Variants in ADGRV1 observed in about 807,000 individuals in gnomAD.
ADGRV1 encodes G-protein coupled receptor 98.
In ADGRV1, 359 loss-of-function variants were observed where a neutral mutation model predicts 596.2. That is an observed-to-expected ratio of 0.60 (90% CI 0.55 to 0.66). The LOEUF is 0.66. Among genes scored for constraint, ADGRV1 ranks in the 30% least tolerant of loss-of-function variants. The probability of loss-of-function intolerance (pLI) is 0.00; values close to 1 mark genes in which losing one functional copy is unlikely to be tolerated. For synonymous variants in ADGRV1, 2,681 were observed against 2,679.2 expected (o/e 1.00, Z -0.02); for missense variants, 7,274 against 7,575.6 (o/e 0.96, Z 1.48).
intron 32 of ADGRV1, 148 bp downstream of exon 32, chr5:90,692,934 A>G: frequency 1.7e-6 from 1 of 591,764 alleles, no homozygotes; most frequent in South Asian, 2.7e-5. Context: ...TGTTAACTGA[A>G]TTATGCTTAT....
At chr5:90,703,568 T>C (rs980192639) in intron 34 of ADGRV1, 97 bp from the exon 35 acceptor site, 1 of 796,690 alleles carries the variant, frequency 1.3e-6, no homozygotes, top group South Asian at 1.9e-5. Flanking sequence ...GGAAAGGTGC[T>C]GTAATAGTTG....
At chr5:91,045,544 T>C (rs920152517) in intron 85 of ADGRV1, among the ~76,000 whole-genome samples, 1 of 152,036 alleles carries the variant, frequency 6.6e-6, no homozygotes, top group African/African-American at 2.4e-5. Context: ...TACCTCAAGG[T>C]AATAAAAGCC....
chr5:91,113,756 T>C (rs1305865200), intron 87 of ADGRV1, among the ~76,000 whole-genome samples: 1 of 151,128 alleles, frequency 6.6e-6, no homozygotes, highest in Non-Finnish European at 1.5e-5. Flanking sequence ...CCATCTCTAC[T>C]AGAAATATAA....
At chr5:90,817,050 T>C (rs1762968319) in intron 75 of ADGRV1, among the ~76,000 whole-genome samples, 1 of 152,192 alleles carries the variant, frequency 6.6e-6, no homozygotes, top group Admixed American at 6.5e-5. Context: ...TGTTCCTATT[T>C]CTCCACACCC....
chr5:90,957,985 A>G (rs1456847878), intron 83 of ADGRV1, among the ~76,000 whole-genome samples: 1 of 152,108 alleles, frequency 6.6e-6, no homozygotes, highest in Non-Finnish European at 1.5e-5. Context: ...AAATTCAAAA[A>G]TTAATCAATG....
At position 90,724,989 on chromosome 5, in the gene ADGRV1, G is replaced by A. The variant is rs1751572225; in HGVS notation, c.9906G>A (p.Glu3302=). ...GGCAGGGGATTTTTATTCCAGTTGA[G>A]GTAAACATCAGTATTTTTTTATAGT... The part of the protein sequence containing the change: ...YRWQGIFIPV[E]DLNIENPKTC... Residue 3302 remains glutamate (E), a splice_region_variant and synonymous_variant, in exon 46 of 90, where the codon GAG becomes GAA. Coordinates refer to ENST00000405460, the MANE Select transcript of ADGRV1 (RefSeq NM_032119.4). 6.3e-7 allele frequency: 1 copy of A among 1,589,270 alleles called. No homozygotes were observed. The highest frequency in any genetic ancestry group is 8.5e-7 in the Non-Finnish European group (1 of 1,171,122).
At chr5:90,618,839 T>G (rs1288574889) in intron 3 of ADGRV1, among the ~76,000 whole-genome samples, 1 of 151,846 alleles carries the variant, frequency 6.6e-6, no homozygotes, top group East Asian at 1.9e-4. Flanking sequence ...TTATTTATAA[T>G]TATACTATCA....
At position 91,004,577 on chromosome 5, in the gene ADGRV1, A is replaced by G. The variant is rs74492156; in HGVS notation, c.18152+19055A>G. ...GTGTATACCAACATAGGAGAATGCT[A>G]TAGACATTGTAATCTTTCACTTTGA... is the stretch of plus-strand genomic sequence containing the variant. On this transcript the variant is annotated intron_variant, in intron 85 of 89. Transcript: ENST00000405460. 8.0e-3 allele frequency among the ~76,000 whole-genome samples: 1,100 copies of G among 137,042 alleles called. 4 individuals are homozygous for G. Among genetic ancestry groups the G allele is most frequent in the Non-Finnish European group, 0.012 (810 of 65,210 alleles). 89.9% of individuals were successfully genotyped at this position (137,042 alleles called of 152,430 possible).
At chr5:90,631,434 TGTCA>T (rs935198115) in intron 9 of ADGRV1, among the ~76,000 whole-genome samples, 93 of 152,264 alleles carry the variant, frequency 6.1e-4, no homozygotes, top group African/African-American at 1.6e-3. Context: ...ATGTAGGATT[TGTCA>T]GTATGTACGC....
intron 1 of ADGRV1, among the ~76,000 whole-genome samples, chr5:90,612,877 A>G (rs1463020911): frequency 1.3e-5 from 2 of 152,100 alleles, no homozygotes; most frequent in African/African-American, 2.4e-5. Flanking sequence ...CTCACACTCT[A>G]GGACAGTAAT....
chr5:90,796,929 T>C (rs1016625238), intron 70 of ADGRV1, among the ~76,000 whole-genome samples: 11 of 152,056 alleles, frequency 7.2e-5, no homozygotes, highest in Middle Eastern at 3.4e-3. Context: ...TGCTGAGAGA[T>C]TTTGTCACCA....
In ADGRV1 at chr5:90,720,883, T is replaced by A. The variant is rs1750828520; in HGVS notation, c.9624-52T>A. On this transcript the variant is annotated intron_variant, in intron 44 of 89. Coordinates refer to ENST00000405460, the MANE Select transcript of ADGRV1 (RefSeq NM_032119.4). ...CTAGCAATATGATATATATTTCAAATATGTAGAATGTATACTTTTTCTGCT... is the reference window on the plus strand; with the variant it reads ...CTAGCAATATGATATATATTTCAAAAATGTAGAATGTATACTTTTTCTGCT... 7 of 1,488,838 alleles carry A rather than the reference T, an allele frequency of 4.7e-6. No individual in the cohort carries two copies. The Admixed American group carries it at 1.4e-4, about 29-fold the overall frequency. 92.2% of individuals were successfully genotyped at this position (1,488,838 alleles called of 1,614,324 possible). A position where few individuals can be genotyped will look rare whatever the true frequency, so the allele number is the denominator to read the frequency against.
chr5:90,787,212 G>A (rs1374099934), intron 67 of ADGRV1, among the ~76,000 whole-genome samples: 12 of 152,168 alleles, frequency 7.9e-5, no homozygotes, highest in South Asian at 2.1e-4. Context: ...AGTGCCCAAT[G>A]TTCTTTCTTT....
intron 83 of ADGRV1, among the ~76,000 whole-genome samples, chr5:90,903,578 C>T (rs1772044807): frequency 6.6e-6 from 1 of 151,772 alleles, no homozygotes; most frequent in Non-Finnish European, 1.5e-5. Flanking sequence ...GACCTCAAGC[C>T]AACAGGCAAG....
At chr5:90,580,370 G>C (rs1757849319) in intron 1 of ADGRV1, among the ~76,000 whole-genome samples, 1 of 152,066 alleles carries the variant, frequency 6.6e-6, no homozygotes, top group Non-Finnish European at 1.5e-5. Flanking sequence ...AGTTCTCCTG[G>C]ATAATATCCT....
At chr5:90,942,938 GA>G (rs1776279644) in intron 83 of ADGRV1, among the ~76,000 whole-genome samples, 1 of 152,110 alleles carries the variant, frequency 6.6e-6, no homozygotes, top group East Asian at 1.9e-4. Flanking sequence ...GAATGGAAAA[GA>G]CCTGTGGACC....
At chr5:90,939,574 G>A (rs1377505048) in intron 83 of ADGRV1, among the ~76,000 whole-genome samples, 1 of 152,122 alleles carries the variant, frequency 6.6e-6, no homozygotes, top group Non-Finnish European at 1.5e-5. Flanking sequence ...AAATGACAAG[G>A]ATATAAAGTA....
At chr5:90,703,202 A>G (rs912517775) in intron 34 of ADGRV1, among the ~76,000 whole-genome samples, 1 of 152,100 alleles carries the variant, frequency 6.6e-6, no homozygotes, top group African/African-American at 2.4e-5. Flanking sequence ...TTACAACTAA[A>G]GAAATGTGAT....
intron 17 of ADGRV1, among the ~76,000 whole-genome samples, chr5:90,648,657 A>G (rs1310186616): frequency 2.0e-5 from 3 of 152,060 alleles, no homozygotes; most frequent in South Asian, 2.1e-4. Context: ...CATTCTCCCT[A>G]TCTCTTTGAC....
Sources: allele counts gnomAD v4.1 joint callset (sites outside exome capture counted in the v4.1 genomes callset), GRCh38; gene constraint gnomAD v4.1.1; transcripts MANE v1.5; gene names NCBI Gene and HGNC (gene_info 2026-07-23, HGNC 2026-07-21).